Variants in OR7C1 observed in about 807,000 individuals in gnomAD.
The protein encoded by OR7C1 is olfactory receptor 7C1.
For missense variants in OR7C1, 324 were observed against 383.3 expected (o/e 0.85, Z 1.29); for synonymous variants, 152 against 160.7 (o/e 0.95, Z 0.41).
chr19:14,829,194 G>T (rs2044806525), intron 1 of OR7C1, among the ~76,000 whole-genome samples: 1 of 152,108 alleles, frequency 6.6e-6, no homozygotes, highest in Non-Finnish European at 1.5e-5. Flanking sequence ...AAACTTTGAG[G>T]GATGTGCTTC....
In OR7C1 at chr19:14,804,674, C is replaced by G. The variant is rs773562938; in HGVS notation, c.-434-3910G>C. ...AATACATAAACGAGTCGCAGGATAA[C>G]GAGTCGCAGGGACTGGGGAGCGGGG... On this transcript the variant is annotated intron_variant, in intron 2 of 4. Transcript: ENST00000641666. Among the ~76,000 whole-genome samples, 3 of 151,854 alleles carry G rather than the reference C, an allele frequency of 2.0e-5. 1 individual carries two copies. The highest frequency in any genetic ancestry group is 4.2e-4 in the South Asian group (2 of 4,816).
exon 5 of OR7C1, chr19:14,799,211 G>A: frequency 6.2e-7 from 1 of 1,612,694 alleles, no homozygotes; most frequent in East Asian, 2.2e-5. Context: ...ATTAAAAAAT[G>A]TTGCCCTACT....
intron 1 of OR7C1, among the ~76,000 whole-genome samples, chr19:14,817,434 A>G (rs1023905792): frequency 1.3e-5 from 2 of 152,216 alleles, no homozygotes; most frequent in Admixed American, 1.3e-4. Flanking sequence ...TAGAGGACCT[A>G]TGCCTCACTC....
At chr19:14,823,735 A>T (rs976465477) in intron 1 of OR7C1, among the ~76,000 whole-genome samples, 1 of 152,144 alleles carries the variant, frequency 6.6e-6, no homozygotes, top group African/African-American at 2.4e-5. Context: ...TTTCTGAGTT[A>T]TTTCACTTAA....
In OR7C1 at chr19:14,804,592, G is replaced by A. The variant is rs185268822; in HGVS notation, c.-434-3828C>T. ...CTGACCCCAAGGAAGCCTTTACTGA[G>A]GCTCAATGCCTGGGCTTCTTCGTTT... On this transcript the variant is annotated intron_variant, in intron 2 of 4. Transcript: ENST00000641666. Among the ~76,000 whole-genome samples, 220 of 152,084 alleles carry A rather than the reference G, an allele frequency of 1.4e-3. 5 individuals carry two copies. The highest frequency in any genetic ancestry group is 6.2e-4 in the Non-Finnish European group (42 of 68,024).
chr19:14,824,292 G>A (rs574283009), intron 1 of OR7C1: 1 of 152,182 alleles, frequency 6.6e-6, no homozygotes, highest in Non-Finnish European at 1.5e-5. Flanking sequence ...TATATTGTGT[G>A]ACACTAAAGT....
intron 1 of OR7C1, among the ~76,000 whole-genome samples, chr19:14,829,857 T>A (rs1029996359): frequency 6.6e-6 from 1 of 152,054 alleles, no homozygotes; most frequent in African/African-American, 2.4e-5. Context: ...AGCCACACAC[T>A]CACTCACACA....
intron 2 of OR7C1, among the ~76,000 whole-genome samples, chr19:14,805,094 C>T (rs796737580): frequency 2.0e-5 from 3 of 151,922 alleles, no homozygotes; most frequent in African/African-American, 7.3e-5. Context: ...TATTAAATTC[C>T]TCTGCTATGT....
At chr19:14,798,957 T>TCTGCTCGTGGC (rs2044624500) in exon 5 of OR7C1, 1 of 477,536 alleles carries the variant, frequency 2.1e-6, no homozygotes, top group African/African-American at 2.0e-5. Flanking sequence ...CTGTTCTTTG[T>TCTGCTCGTGGC]TAGAAAAGAA....
chr19:14,805,215 C>T (rs985284774), intron 2 of OR7C1, among the ~76,000 whole-genome samples: 1 of 151,562 alleles, frequency 6.6e-6, no homozygotes, highest in African/African-American at 2.4e-5. Flanking sequence ...AGTCTGTACT[C>T]CTCCTGCCTG....
At chr19:14,809,372 G>A (rs2044680412) in intron 2 of OR7C1, among the ~76,000 whole-genome samples, 1 of 151,966 alleles carries the variant, frequency 6.6e-6, no homozygotes, top group African/African-American at 2.4e-5. Flanking sequence ...AGATCCGGCT[G>A]CAGGAAGAGA....
intron 1 of OR7C1, chr19:14,828,168 G>A (rs1324957865): frequency 1.2e-6 from 2 of 1,614,082 alleles, no homozygotes; most frequent in African/African-American, 1.3e-5. Flanking sequence ...AAAGAGGAAG[G>A]GTTGCAGTCC....
chr19:14,816,355 G>A (rs1293639338), intron 1 of OR7C1, among the ~76,000 whole-genome samples: 3 of 152,160 alleles, frequency 2.0e-5, no homozygotes, highest in Admixed American at 6.5e-5. Context: ...TCAGTGAACT[G>A]AAGGAGGCAG....
rs1483133709 is a variant in OR7C1, at chr19:14,821,199, T to C, written c.-622-11206A>G. 3.9e-5 allele frequency among the ~76,000 whole-genome samples: 6 copies of C among 151,962 alleles called. No individual in the cohort carries two copies. In the East Asian group the frequency reaches 9.7e-4, roughly 25 times the overall value. On this transcript the variant is annotated intron_variant, in intron 1 of 4. Transcript: ENST00000641666. Reference sequence around the variant, plus strand: ...GTTGCTGTGAGCTGAGATCGCGCCATTGCACTCCAGCCTGGGTGACAAGAG... The same window carrying C: ...GTTGCTGTGAGCTGAGATCGCGCCACTGCACTCCAGCCTGGGTGACAAGAG...
chr19:14,799,287 T>C, exon 5 of OR7C1: 1 of 1,614,124 alleles, frequency 6.2e-7, no homozygotes, highest in Non-Finnish European at 8.5e-7. Flanking sequence ...GGGTTCAGCA[T>C]GGGGGTGACC....
rs57343052 is a variant in OR7C1 at position 14,820,576 on chromosome 19, G to GA, written c.-622-10584dup. Among the ~76,000 whole-genome samples the GA allele has an allele frequency of 1.1e-3, 167 of 147,682 alleles. 1 individual carries two copies. Among genetic ancestry groups the GA allele is most frequent in the African/African-American group, 3.6e-3 (144 of 40,376 alleles). On this transcript the variant is annotated intron_variant, in intron 1 of 4. Coordinates refer to ENST00000641666, the Ensembl canonical transcript of OR7C1. ...ACCTTAAAGAAAAAAAATCACACAGGAAAAAAAAAAGTGTTCCTATGTAGA... is the reference window on the plus strand; with the variant it reads ...ACCTTAAAGAAAAAAAATCACACAGGAAAAAAAAAAAGTGTTCCTATGTAGA...
chr19:14,833,710 G>GCC (rs1233885677), intron 1 of OR7C1, among the ~76,000 whole-genome samples: 1 of 152,106 alleles, frequency 6.6e-6, no homozygotes, highest in Admixed American at 6.5e-5. Flanking sequence ...ATAAAAATGG[G>GCC]CATATAGTAA....
intron 1 of OR7C1, among the ~76,000 whole-genome samples, chr19:14,814,434 T>TG (rs889789346): frequency 1.3e-4 from 20 of 152,180 alleles, no homozygotes; most frequent in African/African-American, 4.8e-4. Context: ...TTATGTATTT[T>TG]TTTTTTGAGA....
At chr19:14,824,000 G>A (rs559602701) in intron 1 of OR7C1, among the ~76,000 whole-genome samples, 41 of 151,112 alleles carry the variant, frequency 2.7e-4, no homozygotes, top group African/African-American at 8.8e-4. Flanking sequence ...TGGTCAATGT[G>A]CCCCAATACA....
Sources: allele counts gnomAD v4.1 joint callset (sites outside exome capture counted in the v4.1 genomes callset), GRCh38; gene constraint gnomAD v4.1.1; transcripts MANE v1.5; gene names NCBI Gene and HGNC (gene_info 2026-07-23, HGNC 2026-07-21).